EYS: variants seen among roughly 807,000 people sequenced by gnomAD.
The protein encoded by EYS is EGF-like photoreceptor maintenance factor.
In EYS, 250 loss-of-function variants were observed where a neutral mutation model predicts 282.1. The observed-to-expected ratio is 0.89, with a 90% CI of 0.80 to 0.98. The LOEUF (loss-of-function observed/expected upper bound fraction) is 0.98. Among genes scored for constraint, EYS ranks in the 50% least tolerant of loss-of-function variants. EYS has a pLI of 0.00. For missense variants in EYS, 4,016 were observed against 3,709.0 expected, an observed-to-expected ratio of 1.08 and a Z score of -2.15; for synonymous variants, 1,355 against 1,282.9, an observed-to-expected ratio of 1.06 and a Z score of -1.20.
At chr6:64,822,463 C>T (rs1046356610) in intron 20 of EYS, among the ~76,000 whole-genome samples, 188 bp downstream of exon 20, 1 of 151,908 alleles carries the variant, frequency 6.6e-6, no homozygotes, top group African/African-American at 2.4e-5. Context: ...AAAAGAAGGG[C>T]AGAGATAATG....
At chr6:64,760,649 A>G (rs925497492) in intron 22 of EYS, among the ~76,000 whole-genome samples, 1 of 152,190 alleles carries the variant, frequency 6.6e-6, no homozygotes, top group African/African-American at 2.4e-5. Context: ...TATAAACACA[A>G]GCTGTTGTGC....
chr6:64,363,779 C>T (rs1472035022), intron 29 of EYS, among the ~76,000 whole-genome samples: 1 of 151,886 alleles, frequency 6.6e-6, no homozygotes, highest in Non-Finnish European at 1.5e-5. Flanking sequence ...TTTCTCATTT[C>T]TTACATTTAA....
At chr6:65,364,718 G>T (rs188984162) in intron 8 of EYS, among the ~76,000 whole-genome samples, 1 of 151,330 alleles carries the variant, frequency 6.6e-6, no homozygotes, top group African/African-American at 2.4e-5. Context: ...CCTTCTCCCC[G>T]GATGACACCA....
rs1765647282 is a variant in EYS, at chr6:64,207,554, T to C, written c.6424+23038A>G. Among the ~76,000 whole-genome samples the C allele has an allele frequency of 2.6e-5, 4 of 152,192 alleles. 1 individual carries two copies. In the South Asian group the frequency reaches 8.3e-4, roughly 31 times the overall value. On this transcript the variant is annotated intron_variant, in intron 31 of 42. Coordinates refer to ENST00000503581, the MANE Select transcript of EYS (RefSeq NM_001142800.2). ...TCAGTCTTAATTATCTGAAGGATAC[T>C]GCATGAAGTTTGGGGGAGTGAAAAA...
chr6:65,125,554 T>C (rs1002566471), intron 12 of EYS, among the ~76,000 whole-genome samples: 1 of 152,216 alleles, frequency 6.6e-6, no homozygotes, highest in African/African-American at 2.4e-5. Flanking sequence ...GTCTATTATT[T>C]CTATTTTGAA....
intron 35 of EYS, among the ~76,000 whole-genome samples, chr6:63,946,842 A>T (rs1375838995): frequency 6.6e-6 from 1 of 151,730 alleles, no homozygotes; most frequent in Non-Finnish European, 1.5e-5. Flanking sequence ...TCTGGATAAA[A>T]ATGTCTGTGA....
At chr6:63,958,198 T>G (rs1288981926) in intron 35 of EYS, among the ~76,000 whole-genome samples, 3 of 140,662 alleles carry the variant, frequency 2.1e-5, no homozygotes, top group African/African-American at 7.3e-5. Flanking sequence ...CAGACCTATG[T>G]TAGGTGTTGG....
chr6:64,906,357 A>G (rs1215968337), intron 16 of EYS, among the ~76,000 whole-genome samples: 1 of 152,126 alleles, frequency 6.6e-6, no homozygotes, highest in Non-Finnish European at 1.5e-5. Flanking sequence ...TATTTTCTTT[A>G]AGGAATTTTC....
intron 22 of EYS, among the ~76,000 whole-genome samples, chr6:64,697,388 CA>C (rs1770617324): frequency 1.3e-5 from 2 of 152,016 alleles, no homozygotes; most frequent in Non-Finnish European, 2.9e-5. Context: ...ATTCGTAAAA[CA>C]AATATTATTA....
intron 26 of EYS, among the ~76,000 whole-genome samples, chr6:64,523,022 T>C (rs1444100580): frequency 6.6e-6 from 1 of 151,596 alleles, no homozygotes; most frequent in East Asian, 1.9e-4. Flanking sequence ...AGGGTTGATA[T>C]GTCATTTTAG....
At chr6:64,075,096 G>C (rs866568647) in intron 32 of EYS, among the ~76,000 whole-genome samples, 13 of 152,020 alleles carry the variant, frequency 8.6e-5, no homozygotes, top group Middle Eastern at 3.4e-3. Flanking sequence ...ATCTCTGTTG[G>C]AACACAGATG....
At chr6:64,017,479 G>T (rs1401535207) in intron 33 of EYS, among the ~76,000 whole-genome samples, 1 of 152,042 alleles carries the variant, frequency 6.6e-6, no homozygotes, top group Non-Finnish European at 1.5e-5. Flanking sequence ...CATAGTTGTT[G>T]GTTTTGTGTC....
chr6:63,998,202 C>A (rs558558835), intron 34 of EYS, among the ~76,000 whole-genome samples: 4 of 152,172 alleles, frequency 2.6e-5, no homozygotes, highest in Admixed American at 2.0e-4. Flanking sequence ...AGATACTCAG[C>A]ATCCTTCAGC....
chr6:63,756,302 A>G (rs890026307), intron 41 of EYS, among the ~76,000 whole-genome samples: 3 of 152,296 alleles, frequency 2.0e-5, no homozygotes, highest in African/African-American at 7.2e-5. Context: ...GATATGTTCC[A>G]TCAATACCTA....
chr6:64,128,234 A>C (rs1773849697), intron 31 of EYS, among the ~76,000 whole-genome samples: 1 of 152,148 alleles, frequency 6.6e-6, no homozygotes, highest in Admixed American at 6.5e-5. Flanking sequence ...TTGCATTTCT[A>C]AAAATAATAT....
intron 12 of EYS, among the ~76,000 whole-genome samples, chr6:65,196,993 A>G (rs569212967): frequency 2.0e-5 from 3 of 152,130 alleles, no homozygotes; most frequent in Admixed American, 2.0e-4. Context: ...TCTGTAGAAC[A>G]CTTTTTGGAA....
At chr6:64,043,718 T>A (rs1770495045) in intron 33 of EYS, among the ~76,000 whole-genome samples, 1 of 152,232 alleles carries the variant, frequency 6.6e-6, no homozygotes, top group Non-Finnish European at 1.5e-5. Context: ...ATCCTTATAA[T>A]ACTCTCTAAC....
chr6:65,033,494 T>C (rs777034881), intron 13 of EYS, among the ~76,000 whole-genome samples: 1 of 152,100 alleles, frequency 6.6e-6, no homozygotes, highest in African/African-American at 2.4e-5. Flanking sequence ...TTGAAGTTGC[T>C]CCCCATGTTC....
chr6:64,744,375 G>A (rs116108718), intron 22 of EYS, among the ~76,000 whole-genome samples: 3,674 of 152,156 alleles, frequency 0.024, 148 homozygotes, highest in African/African-American at 0.08. Flanking sequence ...AAGCCAATAC[G>A]GAATCTCTGG....
Sources: allele counts gnomAD v4.1 joint callset (sites outside exome capture counted in the v4.1 genomes callset), GRCh38; gene constraint gnomAD v4.1.1; transcripts MANE v1.5; gene names NCBI Gene and HGNC (gene_info 2026-07-23, HGNC 2026-07-21).